The following C4orf36 variants were observed in gnomAD, a reference collection of about 807,000 sequenced individuals.
C4orf36 encodes the protein uncharacterized protein C4orf36.
A neutral mutation model predicts 12.2 loss-of-function variants in C4orf36; 11 were observed. The observed-to-expected ratio is 0.90, with a 90% CI of 0.57 to 1.49. The LOEUF is 1.49. C4orf36 is among the 40% of genes most tolerant of loss of function. C4orf36 has a pLI of 0.00. For synonymous variants in C4orf36, 54 were observed against 51.3 expected (o/e 1.05, Z -0.22); for missense variants, 137 against 133.9 (o/e 1.02, Z -0.11).
intron 4 of C4orf36, among the ~76,000 whole-genome samples, chr4:86,880,280 C>T (rs1747020820): frequency 6.6e-6 from 1 of 152,144 alleles, no homozygotes; most frequent in Admixed American, 6.5e-5. Flanking sequence ...CGAGACCAGC[C>T]TGACCAACAT....
At chr4:86,903,121 T>C in the C4orf36 span, among the ~76,000 whole-genome samples, 1 of 152,234 alleles carries the variant, frequency 6.6e-6, no homozygotes, top group Non-Finnish European at 1.5e-5. Flanking sequence ...TTTCCTTGTG[T>C]GCTATTTTCA....
chr4:86,927,225 C>G, the C4orf36 span, among the ~76,000 whole-genome samples: 1 of 152,110 alleles, frequency 6.6e-6, no homozygotes, highest in Non-Finnish European at 1.5e-5. Context: ...ACAGATATAT[C>G]AAAAGGTGGA....
chr4:86,912,241 A>G, the C4orf36 span, among the ~76,000 whole-genome samples: 1 of 152,006 alleles, frequency 6.6e-6, no homozygotes, highest in Non-Finnish European at 1.5e-5. Context: ...GGCTGGTCTT[A>G]AACTCCTGGC....
the C4orf36 span, among the ~76,000 whole-genome samples, chr4:86,924,101 C>T: frequency 6.6e-6 from 1 of 151,992 alleles, no homozygotes; most frequent in South Asian, 2.1e-4. Flanking sequence ...AGTGCAGTGG[C>T]ACAATCATAG....
At chr4:86,914,512 T>G in the C4orf36 span, 3 of 490,728 alleles carry the variant, frequency 6.1e-6, no homozygotes, top group Admixed American at 7.0e-5. Context: ...GCAATTCTCC[T>G]GCCTCAGCCT....
At chr4:86,901,611 C>A in the C4orf36 span, among the ~76,000 whole-genome samples, 13 of 151,684 alleles carry the variant, frequency 8.6e-5, no homozygotes, top group Non-Finnish European at 1.3e-4. Context: ...TGGGGTTTCA[C>A]CATGTTAGCC....
chr4:86,890,207 G>T, intron 2 of C4orf36: 1 of 182,398 alleles, frequency 5.5e-6, no homozygotes, highest in East Asian at 1.3e-4. Flanking sequence ...GGGAGGGAGG[G>T]AGGAAGGAAG....
chr4:86,884,829 T>A (rs1056835466), intron 4 of C4orf36, among the ~76,000 whole-genome samples: 3 of 152,144 alleles, frequency 2.0e-5, no homozygotes, highest in African/African-American at 7.2e-5. Context: ...GTTTTTATGG[T>A]TTTTAGGTCT....
upstream of C4orf36, among the ~76,000 whole-genome samples, chr4:86,894,994 G>A (rs530665512): frequency 2.9e-4 from 44 of 152,256 alleles, 1 homozygote; most frequent in South Asian, 6.8e-3. Flanking sequence ...AGGATTCCTG[G>A]CTCTCAGAAA....
At chr4:86,912,743 T>C in the C4orf36 span, among the ~76,000 whole-genome samples, 1 of 152,216 alleles carries the variant, frequency 6.6e-6, no homozygotes, top group Admixed American at 6.5e-5. Flanking sequence ...GATATGTATA[T>C]GAGTGTATAC....
At chr4:86,932,016 TAGA>T in the C4orf36 span, among the ~76,000 whole-genome samples, 1 of 110,574 alleles carries the variant, frequency 9.0e-6, no homozygotes, top group Non-Finnish European at 1.8e-5. Context: ...GCCTGGGCAA[TAGA>T]GCGAGACTCT....
chr4:86,884,424 C>A (rs1400467594), intron 4 of C4orf36, among the ~76,000 whole-genome samples: 3 of 151,646 alleles, frequency 2.0e-5, no homozygotes, highest in African/African-American at 7.3e-5. Flanking sequence ...CCCATCTCAG[C>A]CTCCTGAGTA....
upstream of C4orf36, among the ~76,000 whole-genome samples, chr4:86,895,010 G>A (rs183789851): frequency 2.4e-3 from 366 of 152,246 alleles, 1 homozygote; most frequent in Admixed American, 5.8e-3. Context: ...AGAAAATATA[G>A]GATAATAACT....
chr4:86,900,143 C>T, the C4orf36 span, among the ~76,000 whole-genome samples: 1 of 151,730 alleles, frequency 6.6e-6, no homozygotes, highest in East Asian at 1.9e-4. Flanking sequence ...TCAAGCAACT[C>T]TCCTCCCTCA....
At chr4:86,901,458 A>G in the C4orf36 span, among the ~76,000 whole-genome samples, 69,193 of 151,580 alleles carry the variant, frequency 0.46, 17,251 homozygotes, top group South Asian at 0.68. Flanking sequence ...CCCAGGCTGG[A>G]GTCCAGTGGC....
At position 86,892,364 on chromosome 4, in the gene C4orf36, GC is replaced by G. The variant is rs1441135077; in HGVS notation, c.-256del. 1.0e-6 allele frequency: 1 copy of G among 985,396 alleles called. No homozygotes were observed. The highest frequency in any genetic ancestry group is 1.2e-6 in the Non-Finnish European group (1 of 829,886). 61.0% of individuals were successfully genotyped at this position (985,396 alleles called of 1,614,324 possible). Reference sequence around the variant, plus strand: ...GCTAAGCGCACATGGCCGCGCACACGCCTCGGGGCCGCGCCGCAGGCACACG... The same window carrying G: ...GCTAAGCGCACATGGCCGCGCACACGCTCGGGGCCGCGCCGCAGGCACACG... On this transcript the variant is annotated 5_prime_UTR_variant, in exon 1 of 5. Transcript: ENST00000295898.
At chr4:86,931,666 T>C in the C4orf36 span, among the ~76,000 whole-genome samples, 6 of 152,206 alleles carry the variant, frequency 3.9e-5, no homozygotes, top group Non-Finnish European at 8.8e-5. Context: ...CCCAACGTGC[T>C]GGGATTCTGA....
the C4orf36 span, among the ~76,000 whole-genome samples, chr4:86,902,072 T>C: frequency 1.3e-5 from 2 of 152,032 alleles, no homozygotes; most frequent in Non-Finnish European, 2.9e-5. Context: ...TGGAGCAATG[T>C]GTCCACAAGC....
the C4orf36 span, among the ~76,000 whole-genome samples, chr4:86,915,431 C>T: frequency 6.6e-6 from 1 of 152,182 alleles, no homozygotes; most frequent in African/African-American, 2.4e-5. Context: ...CAGATGTAAT[C>T]AAGTTAAGAT....
Sources: gnomAD v4.1 joint callset for allele counts (sites outside exome capture counted in the v4.1 genomes callset) on GRCh38, gnomAD v4.1.1 for gene constraint, MANE v1.5 for transcripts, NCBI Gene and HGNC (gene_info 2026-07-23, HGNC 2026-07-21) for gene names.